The following FRY variants were observed in gnomAD, a reference collection of about 807,000 sequenced individuals.
FRY encodes FRY microtubule binding protein, also known as protein furry homolog.
FRY carries 128 observed loss-of-function variants against 348.4 expected under a neutral mutation model. The observed-to-expected ratio is 0.37, with a 90% CI of 0.32 to 0.43. The LOEUF is 0.43. Among genes scored for constraint, FRY ranks in the 20% least tolerant of loss-of-function variants. FRY has a pLI of 1.00. For missense variants in FRY, 2,736 were observed against 3,695.2 expected (o/e 0.74, Z 6.73); for synonymous variants, 1,370 against 1,374.7 (o/e 1.00, Z 0.08).
chr13:32,108,544 A>G (rs867855558), intron 3 of FRY, among the ~76,000 whole-genome samples: 2 of 152,214 alleles, frequency 1.3e-5, no homozygotes, highest in Non-Finnish European at 1.5e-5. Context: ...CCTGTATTAA[A>G]CATTTTATTT....
At chr13:32,066,975 A>G (rs1325845528) in intron 1 of FRY, among the ~76,000 whole-genome samples, 1 of 152,254 alleles carries the variant, frequency 6.6e-6, no homozygotes, top group African/African-American at 2.4e-5. Flanking sequence ...AAGTGAGCAC[A>G]GTTATTTACT....
chr13:32,290,366 G>T (rs1889275783), intron 59 of FRY, among the ~76,000 whole-genome samples: 1 of 152,116 alleles, frequency 6.6e-6, no homozygotes, highest in Non-Finnish European at 1.5e-5. Flanking sequence ...TTTGCCTAGG[G>T]GTAAGAAAGG....
chr13:32,159,001 G>A (rs17634824), intron 16 of FRY, among the ~76,000 whole-genome samples: 38,033 of 140,158 alleles, frequency 0.27, 5,352 homozygotes, highest in East Asian at 0.46. Flanking sequence ...AACCATATTC[G>A]TAATCAATAG....
intron 41 of FRY, 58 bp downstream of exon 41, chr13:32,231,358 T>C (rs1885906900): frequency 6.4e-7 from 1 of 1,558,454 alleles, no homozygotes; most frequent in African/African-American, 1.4e-5. Flanking sequence ...ATGGACACTG[T>C]CTCTATATGA....
rs554949929 is a variant in FRY at position 32,287,116 on chromosome 13, A to G, written c.8470-2517A>G. 4.7e-3 allele frequency among the ~76,000 whole-genome samples: 711 copies of G among 151,766 alleles called. 4 individuals carry two copies. Among genetic ancestry groups the G allele is most frequent in the Non-Finnish European group, 7.6e-3 (518 of 67,838 alleles). On this transcript the variant is annotated intron_variant, in intron 58 of 60. Coordinates refer to ENST00000542859, the MANE Select transcript of FRY (RefSeq NM_023037.3). ...GGAGGCGGAGGTTGCAATGAGCCAA[A>G]ATCGTGCCACTGTACTCCAGCCTGG...
At chr13:32,225,072 G>C in intron 38 of FRY, 36 bp downstream of exon 38, 1 of 1,171,092 alleles carries the variant, frequency 8.5e-7, no homozygotes, top group Non-Finnish European at 1.3e-6. Flanking sequence ...TAGCCAATCG[G>C]GTTAAAAATA....
chr13:32,169,751 T>A, intron 17 of FRY, among the ~76,000 whole-genome samples: 1 of 152,210 alleles, frequency 6.6e-6, no homozygotes, highest in East Asian at 1.9e-4. Context: ...GGGCATGTGA[T>A]GACTGAATCT....
chr13:32,275,650 G>T (rs969337718), intron 56 of FRY, among the ~76,000 whole-genome samples: 1 of 152,196 alleles, frequency 6.6e-6, no homozygotes, highest in Admixed American at 6.5e-5. Flanking sequence ...ATGATGCCAG[G>T]TTGCCCAGTC....
chr13:32,141,147 T>C (rs1459214910), intron 11 of FRY, among the ~76,000 whole-genome samples: 1 of 152,186 alleles, frequency 6.6e-6, no homozygotes, highest in Non-Finnish European at 1.5e-5. Flanking sequence ...TAAAAATTAA[T>C]AATAAGATGA....
intron 1 of FRY, among the ~76,000 whole-genome samples, chr13:32,048,597 G>A (rs76899112): frequency 0.03 from 4,635 of 152,230 alleles, 81 homozygotes; most frequent in Non-Finnish European, 0.038. Context: ...TTACCTAAAT[G>A]TCATTAATGT....
rs529492016 is a variant in FRY, at chr13:32,069,426, C to G, written c.71-9408C>G. ...ACGTTTATGTTGTATTTTGTCATAC[C>G]CTGAAGTCCCAAAACTAGCTTACAC... On this transcript the variant is annotated intron_variant, in intron 1 of 60. Coordinates refer to ENST00000542859, the MANE Select transcript of FRY (RefSeq NM_023037.3). Among the ~76,000 whole-genome samples, 99 of 152,152 alleles carry G rather than the reference C, an allele frequency of 6.5e-4. 1 individual carries two copies. The highest frequency in any genetic ancestry group is 6.0e-3 in the Admixed American group (91 of 15,282).
At chr13:32,151,959 A>T (rs1336100607) in intron 14 of FRY, among the ~76,000 whole-genome samples, 1 of 152,252 alleles carries the variant, frequency 6.6e-6, no homozygotes, top group Non-Finnish European at 1.5e-5. Flanking sequence ...ATACAAGAGA[A>T]ATAAAATCAG....
intron 1 of FRY, among the ~76,000 whole-genome samples, chr13:32,037,465 A>G (rs1446065237): frequency 1.3e-5 from 2 of 152,214 alleles, no homozygotes; most frequent in African/African-American, 4.8e-5. Flanking sequence ...TAATTCAGGT[A>G]TCTCATTTAC....
Position 32,194,271 on chromosome 13 carries a change from A to G in FRY, c.3720A>G (p.Lys1240=). 6.2e-7 allele frequency: 1 copy of G among 1,614,194 alleles called. No individual in the cohort carries two copies. The highest frequency in any genetic ancestry group is 1.1e-5 in the South Asian group (1 of 91,090). The change falls in exon 29 of 61, where the codon AAA becomes AAG. Residue 1240 remains lysine, a synonymous_variant. Transcript: ENST00000542859. ...ACCAACTTGCATCTGGCTGCTTCAA[A>G]GCCATAGCAACTGTGTGTGGAAGCA... ...GSYQLASGCF[K]AIATVCGSRN...
At chr13:32,105,993 T>C (rs551699214) in intron 3 of FRY, among the ~76,000 whole-genome samples, 1 of 150,542 alleles carries the variant, frequency 6.6e-6, no homozygotes, top group East Asian at 1.9e-4. Flanking sequence ...TCTCATATTA[T>C]CTCACCTGAC....
At chr13:32,176,616 C>T (rs703219) in intron 20 of FRY, among the ~76,000 whole-genome samples, 61,944 of 152,006 alleles carry the variant, frequency 0.41, 12,849 homozygotes, top group Admixed American at 0.43. Flanking sequence ...TCAAATTGTT[C>T]TGACATGGAA....
intron 7 of FRY, 74 bp downstream of exon 7, chr13:32,124,949 AGTTGGG>A: frequency 9.0e-7 from 1 of 1,115,860 alleles, no homozygotes; most frequent in Non-Finnish European, 1.4e-6. Flanking sequence ...AATTTAGGGA[AGTTGGG>A]GTTGAGCTTA....
intron 7 of FRY, among the ~76,000 whole-genome samples, chr13:32,129,293 C>T (rs1451785975): frequency 6.6e-6 from 1 of 152,162 alleles, no homozygotes; most frequent in Non-Finnish European, 1.5e-5. Flanking sequence ...TCAGAAGGGT[C>T]AGGCTTCAAC....
rs1177579921 is a variant in FRY, at chr13:32,212,385, T to C, written c.4682+3T>C. The stretch of plus-strand genomic sequence containing the variant: ...ATATTGAAAGAATCTGATGAAAGGT[T>C]GGTACACAAATTTGACTTAATATCC... On this transcript the variant is annotated splice_donor_region_variant and intron_variant, in intron 35 of 60. Transcript: ENST00000542859. 6.4e-7 allele frequency: 1 copy of C among 1,568,324 alleles called. No individual in the cohort carries two copies. Among genetic ancestry groups the C allele is most frequent in the East Asian group, 2.3e-5 (1 of 43,992 alleles).
Sources: gnomAD v4.1 joint callset for allele counts (sites outside exome capture counted in the v4.1 genomes callset) on GRCh38, gnomAD v4.1.1 for gene constraint, MANE v1.5 for transcripts, NCBI Gene and HGNC (gene_info 2026-07-23, HGNC 2026-07-21) for gene names.